Variants in TAF1 observed in about 807,000 individuals in gnomAD.
TAF1 encodes TATA-box binding protein associated factor 1, also known as transcription initiation factor TFIID subunit 1.
A neutral mutation model predicts 138.5 loss-of-function variants in TAF1; 2 were observed. The observed-to-expected ratio is 0.01, with a 90% CI of 0.01 to 0.05. The LOEUF is 0.05. TAF1 is among the 10% of genes least tolerant of loss of function. The pLI, the probability that TAF1 is intolerant of heterozygous loss-of-function variation, is 1.00. For missense variants in TAF1, 709 were observed against 1,478.0 expected (o/e 0.48, Z 8.53); for synonymous variants, 437 against 503.2 (o/e 0.87, Z 1.76).
At chrX:71,470,211 GTAA>G (rs2038857388), downstream of TAF1, among the ~76,000 whole-genome samples, 1 of 110,614 alleles carries the variant, frequency 9.0e-6, no homozygotes, top group African/African-American at 3.3e-5. Flanking sequence ...CCTATAAAGA[GTAA>G]TAATATTGTA....
At position 71,366,437 on chromosome X, in the gene TAF1, C is replaced by T; in HGVS notation, c.63C>T (p.Phe21=). 8.3e-7 allele frequency: 1 copy of T among 1,207,781 alleles called. No individual in the cohort carries two copies. Among genetic ancestry groups the T allele is most frequent in the South Asian group, 1.8e-5 (1 of 56,725 alleles). Residue 21 remains phenylalanine (F), a synonymous_variant, in exon 1 of 38, where the codon TTC becomes TTT. Transcript: ENST00000423759. The part of the protein sequence containing the change: ...AGGGPFSLAG[F]LFGNINGAGQ... ...GCGGCCCATTTTCTTTAGCGGGTTT[C>T]CTTTTCGGCAACATCAATGGAGCCG...
At chrX:71,419,071 G>T (rs989650994) in intron 28 of TAF1, among the ~76,000 whole-genome samples, 7 of 111,614 alleles carry the variant, frequency 6.3e-5, no homozygotes, top group Non-Finnish European at 1.3e-4. Context: ...CCAGCCCAGA[G>T]ATTCTTTTTT....
rs766954308 is a variant in TAF1 at position 71,383,128 on chromosome X, C to T, written c.1911C>T (p.Val637=). 3 of 1,210,459 alleles carry T rather than the reference C, an allele frequency of 2.5e-6. No homozygotes were observed. The highest frequency in any genetic ancestry group is 3.4e-6 in the Non-Finnish European group (3 of 895,322). The part of the protein sequence containing the change: ...GALSQPGPHS[V]QPLLKHIKKK... ...TTTCTCAGCCAGGTCCCCACTCAGT[C>T]CAACCTTTGCTAAAGCACATCAAAA... The change falls in exon 12 of 38, where the codon GTC becomes GTT. Residue 637 remains valine, a synonymous_variant. Transcript: ENST00000423759.
intron 24 of TAF1, among the ~76,000 whole-genome samples, chrX:71,399,877 G>A (rs1253863740): frequency 1.8e-5 from 2 of 108,774 alleles, no homozygotes; most frequent in Non-Finnish European, 3.8e-5. Flanking sequence ...GATTACAGGC[G>A]CCCGCCACCA....
intron 24 of TAF1, among the ~76,000 whole-genome samples, chrX:71,399,087 G>A (rs759701131): frequency 1.4e-4 from 15 of 107,970 alleles, no homozygotes; most frequent in East Asian, 5.9e-4. Flanking sequence ...CTACAGGCAC[G>A]TGCCACCACA....
chrX:71,528,221 C>T (rs1259164677), intron 13 of TAF1: 2 of 222,478 alleles, frequency 9.0e-6, no homozygotes, highest in Non-Finnish European at 1.7e-5. Context: ...AGCACATTTG[C>T]TCACTTTTCT....
At chrX:71,455,232 G>T (rs1278727799) in intron 34 of TAF1, among the ~76,000 whole-genome samples, 1 of 111,401 alleles carries the variant, frequency 9.0e-6, no homozygotes, top group Non-Finnish European at 1.9e-5. Flanking sequence ...GGGCCATATT[G>T]TTCCTGTGCC....
chrX:71,511,087 G>A (rs912873101), intron 13 of TAF1, among the ~76,000 whole-genome samples: 1 of 110,156 alleles, frequency 9.1e-6, no homozygotes. Context: ...TGGGCAACAA[G>A]AGTGAAACTC....
chrX:71,371,023 G>C (rs2033018867), intron 3 of TAF1, among the ~76,000 whole-genome samples: 1 of 111,744 alleles, frequency 8.9e-6, no homozygotes, highest in Non-Finnish European at 1.9e-5. Flanking sequence ...GTCAATAGCT[G>C]TCATTTTTGG....
intron 32 of TAF1, among the ~76,000 whole-genome samples, chrX:71,438,456 T>G (rs943742084): frequency 2.7e-5 from 3 of 112,034 alleles, no homozygotes; most frequent in Non-Finnish European, 5.6e-5. Flanking sequence ...CAGAGTTTCA[T>G]TCTTTTTTAT....
At chrX:71,437,566 G>A (rs1040267399) in intron 32 of TAF1, among the ~76,000 whole-genome samples, 6 of 106,645 alleles carry the variant, frequency 5.6e-5, no homozygotes, top group Admixed American at 3.1e-4. Flanking sequence ...AAAATTAGCC[G>A]GGACTGGTGC....
chrX:71,382,537 A>C lies in TAF1; in HGVS notation c.1539A>C (p.Glu513Asp). The change falls in exon 10 of 38, where the codon GAA becomes GAC. Residue 513 changes from glutamate to aspartate, a missense_variant and splice_region_variant. This residue lies in a region of TAF1 where 201 missense variants were observed against 421.3 expected (regional missense o/e 0.48). Transcript: ENST00000423759. Reference sequence around the variant, plus strand: ...AAGTGATTTTTGTTTTATTCTCAGAAATTCCTGATGAGAAGGAAGAGGCCA... The same window carrying C: ...AAGTGATTTTTGTTTTATTCTCAGACATTCCTGATGAGAAGGAAGAGGCCA... ...LDPNDENLIL[E>D]IPDEKEEATS... 1 of 1,204,144 alleles carries C rather than the reference A, an allele frequency of 8.3e-7. No individual in the cohort carries two copies. The highest frequency in any genetic ancestry group is 3.0e-5 in the East Asian group (1 of 33,809).
At chrX:71,459,340 G>T in intron 35 of TAF1, 1 of 1,025,065 alleles carries the variant, frequency 9.8e-7, no homozygotes, top group Non-Finnish European at 1.3e-6. Flanking sequence ...ATCCTAAGAT[G>T]ATATCAGGGG....
rs2038654835 is a variant in TAF1, at chrX:71,463,888, G to A, written c.5464G>A (p.Gly1822Ser). 2 of 1,209,143 alleles carry A rather than the reference G, an allele frequency of 1.7e-6. No individual in the cohort carries two copies. Among genetic ancestry groups the A allele is most frequent in the South Asian group, 1.8e-5 (1 of 56,501 alleles). ...NTQDTSFSSI[G>S]GYEVSEEEED... The stretch of plus-strand genomic sequence containing the variant: ...CCAAGACACAAGCTTCAGCAGCATC[G>A]GTGGGTATGAGGTATCAGAGGAGGA... The change falls in exon 38 of 38, where the codon GGT becomes AGT. Residue 1822 changes from glycine to serine, a missense_variant. Coordinates refer to ENST00000423759, the MANE Select transcript of TAF1 (RefSeq NM_004606.5).
intron 3 of TAF1, among the ~76,000 whole-genome samples, chrX:71,371,397 T>C (rs1053592834): frequency 7.2e-5 from 8 of 111,500 alleles, no homozygotes; most frequent in African/African-American, 2.6e-4. Flanking sequence ...GAGTAAAATT[T>C]TGAAAGTGAG....
At chrX:71,370,483 A>G (rs746896511) in intron 3 of TAF1, among the ~76,000 whole-genome samples, 2 of 111,155 alleles carry the variant, frequency 1.8e-5, no homozygotes, top group Non-Finnish European at 3.8e-5. Context: ...AGTAGCTGGG[A>G]CTACAGGCAT....
In TAF1 at chrX:71,377,648, T is replaced by C; in HGVS notation, c.760T>C (p.Ser254Pro). 8.3e-7 allele frequency: 1 copy of C among 1,211,605 alleles called. No individual in the cohort carries two copies. Among genetic ancestry groups the C allele is most frequent in the South Asian group, 1.8e-5 (1 of 56,979 alleles). Residue 254 changes from serine (S) to proline (P), a missense_variant, in exon 6 of 38, where the codon TCT becomes CCT. Transcript: ENST00000423759. Reference protein sequence around the residue: ...RLFGPGKNVPSVWRSARRKRK... With the variant: ...RLFGPGKNVPPVWRSARRKRK... The stretch of plus-strand genomic sequence containing the variant: ...TTTTGGACCAGGGAAGAATGTCCCA[T>C]CTGTTTGGCGGAGTGCTCGGAGAAA...
chrX:71,450,724 C>G (rs753638278), intron 32 of TAF1, among the ~76,000 whole-genome samples: 6 of 112,295 alleles, frequency 5.3e-5, no homozygotes, highest in African/African-American at 1.6e-4. Context: ...TGACCTATAT[C>G]TCACTCATTT....
chrX:71,443,474 G>T (rs1055205555), intron 32 of TAF1, among the ~76,000 whole-genome samples: 1 of 111,324 alleles, frequency 9.0e-6, no homozygotes, highest in Non-Finnish European at 1.9e-5. Flanking sequence ...TCTGTTATTG[G>T]TGTATAGGAA....
Sources: gnomAD v4.1 joint callset for allele counts (sites outside exome capture counted in the v4.1 genomes callset) on GRCh38, gnomAD v4.1.1 for gene constraint, gnomAD v4.1.1 regional missense constraint, MANE v1.5 for transcripts, NCBI Gene and HGNC (gene_info 2026-07-23, HGNC 2026-07-21) for gene names.